GPC6: variants seen among roughly 807,000 people sequenced by gnomAD.
The protein encoded by GPC6 is glypican 6.
A neutral mutation model predicts 55.2 loss-of-function variants in GPC6; 14 were observed. That is an observed-to-expected ratio of 0.25 (90% CI 0.17 to 0.40). GPC6 has a LOEUF of 0.40. GPC6 is among the 10% of genes least tolerant of loss of function. The pLI, the probability that GPC6 is intolerant of heterozygous loss-of-function variation, is 1.00. For missense variants in GPC6, 641 were observed against 708.5 expected, an observed-to-expected ratio of 0.90 and a Z score of 1.08; for synonymous variants, 278 against 259.6, an observed-to-expected ratio of 1.07 and a Z score of -0.68.
chr13:93,675,277 T>A (rs1287976525), intron 2 of GPC6, among the ~76,000 whole-genome samples: 1 of 152,112 alleles, frequency 6.6e-6, no homozygotes, highest in Non-Finnish European at 1.5e-5. Context: ...ATGTTTGGAT[T>A]TGAGGAGGAA....
chr13:93,258,394 T>A (rs1437026554), intron 1 of GPC6, among the ~76,000 whole-genome samples: 1 of 152,172 alleles, frequency 6.6e-6, no homozygotes, highest in Non-Finnish European at 1.5e-5. Flanking sequence ...AATAGGGCTC[T>A]CTGTGCCATA....
intron 1 of GPC6, among the ~76,000 whole-genome samples, chr13:93,424,607 T>TATCATC (rs144005214): frequency 1.0e-3 from 157 of 151,642 alleles, no homozygotes; most frequent in African/African-American, 2.4e-3. Context: ...AAATACATGG[T>TATCATC]ATCATCATCA....
At chr13:94,232,621 T>A (rs1890765079) in intron 4 of GPC6, among the ~76,000 whole-genome samples, 1 of 152,176 alleles carries the variant, frequency 6.6e-6, no homozygotes, top group Non-Finnish European at 1.5e-5. Flanking sequence ...ACTTTCCTAT[T>A]TTACATATTT....
chr13:93,553,791 A>G, intron 2 of GPC6, among the ~76,000 whole-genome samples: 1 of 151,144 alleles, frequency 6.6e-6, no homozygotes, highest in Admixed American at 6.6e-5. Flanking sequence ...TTCATAGACT[A>G]TTCTGGGTTG....
rs75940723 is a variant in GPC6, at chr13:93,848,671, G to A, written c.711+18126G>A. Among the ~76,000 whole-genome samples the A allele has an allele frequency of 4.6e-3, 703 of 152,154 alleles. 6 individuals are homozygous for A. The highest frequency in any genetic ancestry group is 0.016 in the African/African-American group (674 of 41,496). ...AATGTCATATTCCTACCCTCAAGAG[G>A]TTGACAAGTCTGAAGTCCGCAGCCT... On this transcript the variant is annotated intron_variant, in intron 3 of 8. Transcript: ENST00000377047.
At chr13:94,401,967 T>C (rs1881155238) in intron 8 of GPC6, among the ~76,000 whole-genome samples, 1 of 152,154 alleles carries the variant, frequency 6.6e-6, no homozygotes, top group Non-Finnish European at 1.5e-5. Flanking sequence ...GATAGATAGA[T>C]AGATAATAGA....
At chr13:93,252,686 C>T (rs564610583) in intron 1 of GPC6, among the ~76,000 whole-genome samples, 8 of 152,310 alleles carry the variant, frequency 5.3e-5, no homozygotes, top group African/African-American at 1.9e-4. Flanking sequence ...CAAATTGCCT[C>T]TAAGATGTCA....
chr13:93,591,333 G>A (rs1204320469), intron 2 of GPC6, among the ~76,000 whole-genome samples: 3 of 151,924 alleles, frequency 2.0e-5, no homozygotes, highest in Non-Finnish European at 2.9e-5. Context: ...GCATGGTGGC[G>A]GACGCCTGTA....
rs538165955 is a variant in GPC6, at chr13:94,102,529, G to A, written c.877+74635G>A. Among the ~76,000 whole-genome samples the A allele has an allele frequency of 1.0e-4, 15 of 150,546 alleles. 1 individual carries two copies. The South Asian group carries it at 2.9e-3, about 29-fold the overall frequency. On this transcript the variant is annotated intron_variant, in intron 4 of 8. Coordinates refer to ENST00000377047, the MANE Select transcript of GPC6 (RefSeq NM_005708.5). ...TTTTTTTTTTTTTAATTTCATCCTG[G>A]ACCTAGCTAAAAACTAAGCCTTGTT...
chr13:94,228,082 C>T (rs540866147), intron 4 of GPC6, among the ~76,000 whole-genome samples: 4 of 152,200 alleles, frequency 2.6e-5, no homozygotes, highest in South Asian at 2.1e-4. Flanking sequence ...TTAATTGTTC[C>T]GTGGGACAAG....
intron 2 of GPC6, among the ~76,000 whole-genome samples, chr13:93,624,968 G>T (rs1021571625): frequency 2.0e-5 from 3 of 152,144 alleles, no homozygotes; most frequent in African/African-American, 4.8e-5. Context: ...AGAGAAAGTG[G>T]TTTCTGGCAA....
At chr13:93,826,112 G>C (rs941421334) in intron 2 of GPC6, among the ~76,000 whole-genome samples, 8 of 151,696 alleles carry the variant, frequency 5.3e-5, no homozygotes, top group African/African-American at 1.9e-4. Context: ...TGCCCACCTC[G>C]GCCTCCCAAA....
intron 6 of GPC6, among the ~76,000 whole-genome samples, chr13:94,314,401 C>T (rs573831489): frequency 1.3e-5 from 2 of 152,182 alleles, no homozygotes; most frequent in African/African-American, 2.4e-5. Context: ...ACTTTCTGCC[C>T]AAACCTTGAA....
chr13:93,448,580 A>C (rs1423579933), intron 1 of GPC6, among the ~76,000 whole-genome samples: 2 of 152,228 alleles, frequency 1.3e-5, no homozygotes, highest in East Asian at 3.8e-4. Context: ...ACAAAGGACT[A>C]TTATCCAGAT....
At chr13:93,249,229 C>T (rs1368218211) in intron 1 of GPC6, among the ~76,000 whole-genome samples, 2 of 152,182 alleles carry the variant, frequency 1.3e-5, no homozygotes, top group Non-Finnish European at 2.9e-5. Context: ...ATAGGGGCCC[C>T]CATTTGGTAA....
chr13:93,872,460 T>C (rs1409398747), intron 3 of GPC6, among the ~76,000 whole-genome samples: 1 of 151,986 alleles, frequency 6.6e-6, no homozygotes, highest in Non-Finnish European at 1.5e-5. Flanking sequence ...CCTATTACAG[T>C]TGTGGAAGTC....
chr13:93,869,918 G>A (rs916044493), intron 3 of GPC6, among the ~76,000 whole-genome samples: 2 of 151,806 alleles, frequency 1.3e-5, no homozygotes, highest in African/African-American at 4.8e-5. Flanking sequence ...TTTCAAAAGA[G>A]GACCACTGCA....
At chr13:93,336,806 A>G (rs1388945246) in intron 1 of GPC6, among the ~76,000 whole-genome samples, 6 of 152,146 alleles carry the variant, frequency 3.9e-5, no homozygotes, top group Non-Finnish European at 8.8e-5. Context: ...CTCGATGGGC[A>G]TCCTCACTTG....
intron 2 of GPC6, among the ~76,000 whole-genome samples, chr13:93,660,713 C>T (rs557882981): frequency 1.3e-5 from 2 of 152,266 alleles, no homozygotes; most frequent in East Asian, 3.9e-4. Context: ...GTGAGAGATG[C>T]TAAGGAATAA....
Sources: gnomAD v4.1 joint callset for allele counts (sites outside exome capture counted in the v4.1 genomes callset) on GRCh38, gnomAD v4.1.1 for gene constraint, MANE v1.5 for transcripts, NCBI Gene and HGNC (gene_info 2026-07-23, HGNC 2026-07-21) for gene names.